FHIT: variants seen among roughly 807,000 people sequenced by gnomAD.
FHIT encodes bis(5'-adenosyl)-triphosphatase.
In FHIT, 19 loss-of-function variants were observed where a neutral mutation model predicts 17.9. That is an observed-to-expected ratio of 1.06 (90% CI 0.74 to 1.56). The LOEUF (loss-of-function observed/expected upper bound fraction) is 1.56. Ranked by LOEUF, FHIT falls within the 40% of genes most tolerant of loss-of-function variation. The probability of loss-of-function intolerance (pLI) is 0.00; values close to 1 mark genes in which losing one functional copy is unlikely to be tolerated. For missense variants in FHIT, 248 were observed against 189.2 expected, an observed-to-expected ratio of 1.31 and a Z score of -1.82; for synonymous variants, 81 against 69.7, an observed-to-expected ratio of 1.16 and a Z score of -0.81.
rs561566791 is a variant in FHIT at position 59,980,485 on chromosome 3, C to T, written c.279+30886G>A. On this transcript the variant is annotated intron_variant, in intron 7 of 9. Transcript: ENST00000492590. ...TAGCCCTCATTCTACAGTTTCTAAC[C>T]GGACTTTGGAATTTTATGGGGTTTG... Among the ~76,000 whole-genome samples, 9 of 152,228 alleles carry T rather than the reference C, an allele frequency of 5.9e-5. No individual in the cohort carries two copies. In the South Asian group the frequency reaches 1.7e-3, roughly 28 times the overall value.
intron 7 of FHIT, among the ~76,000 whole-genome samples, chr3:59,937,111 GTTAT>G (rs1706279913): frequency 6.6e-6 from 1 of 152,142 alleles, no homozygotes; most frequent in South Asian, 2.1e-4. Flanking sequence ...TTTTCAGTGT[GTTAT>G]TTCTTAGGAA....
intron 4 of FHIT, among the ~76,000 whole-genome samples, chr3:60,809,248 C>A (rs1701495573): frequency 6.6e-6 from 1 of 152,064 alleles, no homozygotes; most frequent in Admixed American, 6.6e-5. Flanking sequence ...ACACTGAAAT[C>A]AAAGTAGTTT....
intron 4 of FHIT, among the ~76,000 whole-genome samples, chr3:60,745,560 G>T (rs1366212076): frequency 6.6e-6 from 1 of 152,112 alleles, no homozygotes; most frequent in Non-Finnish European, 1.5e-5. Flanking sequence ...ATAGATTAGA[G>T]TTGGCATTTT....
At chr3:60,623,464 T>C (rs1200338795) in intron 4 of FHIT, among the ~76,000 whole-genome samples, 2 of 152,206 alleles carry the variant, frequency 1.3e-5, no homozygotes, top group Non-Finnish European at 2.9e-5. Context: ...TTATATCCCA[T>C]CATTTTAGCT....
intron 3 of FHIT, among the ~76,000 whole-genome samples, chr3:60,916,826 T>A (rs1337866431): frequency 6.6e-6 from 1 of 152,198 alleles, no homozygotes; most frequent in East Asian, 1.9e-4. Context: ...TATAATAGCA[T>A]GCAGTAGTCT....
intron 5 of FHIT, among the ~76,000 whole-genome samples, chr3:60,424,199 C>T (rs1285892284): frequency 2.6e-5 from 4 of 152,116 alleles, no homozygotes; most frequent in Non-Finnish European, 4.4e-5. Flanking sequence ...GGTTAAATCA[C>T]TTGGCCCAAA....
At chr3:60,206,971 C>T (rs1309537102) in intron 5 of FHIT, among the ~76,000 whole-genome samples, 1 of 152,126 alleles carries the variant, frequency 6.6e-6, no homozygotes, top group African/African-American at 2.4e-5. Context: ...TCCCACTAGA[C>T]CCACCTCAAA....
intron 5 of FHIT, among the ~76,000 whole-genome samples, chr3:60,455,123 G>C (rs919582742): frequency 2.6e-5 from 4 of 152,046 alleles, no homozygotes; most frequent in Admixed American, 6.6e-5. Flanking sequence ...GGTGGGTGAG[G>C]TAGGGTGAGG....
chr3:60,301,436 T>C lies in FHIT; in HGVS notation c.103+235424A>G, dbSNP rs728519. 8.9e-3 allele frequency among the ~76,000 whole-genome samples: 1,352 copies of C among 152,252 alleles called. 21 individuals are homozygous for C. The highest frequency in any genetic ancestry group is 0.032 in the African/African-American group (1,310 of 41,572). ...AATTACTGACTAAACCTAAACTTCT[T>C]TATCACAAACTCATTCAGCCTCATG... On this transcript the variant is annotated intron_variant, in intron 5 of 9. Coordinates refer to ENST00000492590, the MANE Select transcript of FHIT (RefSeq NM_002012.4).
At chr3:60,460,998 C>T (rs1004013703) in intron 5 of FHIT, among the ~76,000 whole-genome samples, 6 of 152,044 alleles carry the variant, frequency 3.9e-5, no homozygotes, top group Admixed American at 6.6e-5. Flanking sequence ...TAAAAAATAA[C>T]AAAAGAGAAT....
chr3:60,600,011 G>T (rs1267502059), intron 4 of FHIT, among the ~76,000 whole-genome samples: 19 of 152,114 alleles, frequency 1.2e-4, no homozygotes, highest in African/African-American at 4.1e-4. Context: ...AATGTGTTCA[G>T]ATGGGGAAAG....
intron 4 of FHIT, among the ~76,000 whole-genome samples, chr3:60,702,961 G>A (rs375510338): frequency 9.2e-5 from 14 of 152,214 alleles, no homozygotes; most frequent in East Asian, 3.9e-4. Context: ...TGCATACTGA[G>A]TTGAATACAG....
chr3:59,755,431 G>A (rs1339511604), intron 8 of FHIT, among the ~76,000 whole-genome samples: 3 of 152,198 alleles, frequency 2.0e-5, no homozygotes, highest in Non-Finnish European at 4.4e-5. Flanking sequence ...CCAAGAACCT[G>A]GTGGCTGCAA....
At chr3:60,066,106 T>A (rs1702491313) in intron 5 of FHIT, among the ~76,000 whole-genome samples, 1 of 152,158 alleles carries the variant, frequency 6.6e-6, no homozygotes, top group South Asian at 2.1e-4. Context: ...GAAGTCCTTT[T>A]TCCATGGACA....
intron 4 of FHIT, among the ~76,000 whole-genome samples, chr3:60,539,986 A>T (rs2036131115): frequency 1.3e-5 from 2 of 151,080 alleles, no homozygotes; most frequent in Admixed American, 6.6e-5. Flanking sequence ...AAATTAAAAT[A>T]AAAAAGAAGA....
At chr3:61,141,803 T>C (rs1432325248) in intron 2 of FHIT, among the ~76,000 whole-genome samples, 1 of 151,616 alleles carries the variant, frequency 6.6e-6, no homozygotes, top group East Asian at 1.9e-4. Context: ...CAATGACATT[T>C]CTCAAAATCA....
chr3:59,768,190 T>TATTTA (rs1478919385), intron 8 of FHIT, among the ~76,000 whole-genome samples: 1 of 152,206 alleles, frequency 6.6e-6, no homozygotes, highest in East Asian at 1.9e-4. Flanking sequence ...TGGGTTCTCT[T>TATTTA]ATTTAAAAAG....
At chr3:60,082,084 A>C (rs1257226684) in intron 5 of FHIT, among the ~76,000 whole-genome samples, 6 of 151,802 alleles carry the variant, frequency 4.0e-5, no homozygotes, top group African/African-American at 1.4e-4. Context: ...GGTAGTGAGC[A>C]TAGTACCCAA....
chr3:60,966,093 C>T (rs998192310), intron 3 of FHIT, among the ~76,000 whole-genome samples: 3 of 152,216 alleles, frequency 2.0e-5, no homozygotes, highest in East Asian at 1.9e-4. Flanking sequence ...CCACCCATTT[C>T]GAGCTTCTAG....
Sources: gnomAD v4.1 joint callset for allele counts (sites outside exome capture counted in the v4.1 genomes callset) on GRCh38, gnomAD v4.1.1 for gene constraint, MANE v1.5 for transcripts, NCBI Gene and HGNC (gene_info 2026-07-23, HGNC 2026-07-21) for gene names.